DCAKD: variants seen among roughly 807,000 people sequenced by gnomAD.
The protein encoded by DCAKD is dephospho-CoA kinase domain-containing protein.
A neutral mutation model predicts 18.7 loss-of-function variants in DCAKD; 15 were observed. That is an observed-to-expected ratio of 0.80 (90% CI 0.54 to 1.24). DCAKD has a LOEUF of 1.24. Among genes scored for constraint, DCAKD ranks in the 50% most tolerant of loss-of-function variants. DCAKD has a pLI of 0.00. For missense variants in DCAKD, 301 were observed against 322.0 expected (o/e 0.93, Z 0.50); for synonymous variants, 130 against 133.0 (o/e 0.98, Z 0.16).
chr17:45,046,213 T>TA (rs1324625749), intron 1 of DCAKD, among the ~76,000 whole-genome samples: 2 of 152,142 alleles, frequency 1.3e-5, no homozygotes, highest in Admixed American at 1.3e-4. Context: ...TATATTGGGC[T>TA]AAAAGATGAG....
intron 1 of DCAKD, among the ~76,000 whole-genome samples, chr17:45,050,402 C>T (rs1288050966): frequency 1.3e-5 from 2 of 152,196 alleles, no homozygotes; most frequent in East Asian, 3.9e-4. Flanking sequence ...CAGCTATCAG[C>T]CCTCTTCTTC....
chr17:45,037,234 G>A (rs2053320921), intron 1 of DCAKD, among the ~76,000 whole-genome samples: 1 of 152,072 alleles, frequency 6.6e-6, no homozygotes, highest in Non-Finnish European at 1.5e-5. Flanking sequence ...GGGAGGTTGA[G>A]GCAGGAGGAT....
intron 1 of DCAKD, among the ~76,000 whole-genome samples, chr17:45,035,435 C>A (rs985931007): frequency 2.2e-5 from 3 of 137,270 alleles, no homozygotes; most frequent in Non-Finnish European, 4.7e-5. Flanking sequence ...AAGCTGAGAT[C>A]CCACCACTGC....
intron 1 of DCAKD, among the ~76,000 whole-genome samples, chr17:45,035,840 G>T (rs1250554111): frequency 6.6e-6 from 1 of 152,210 alleles, no homozygotes. Flanking sequence ...AGGTCCCATG[G>T]ATCACTTCCC....
intron 1 of DCAKD, among the ~76,000 whole-genome samples, chr17:45,038,904 C>T (rs1325515170): frequency 6.6e-6 from 1 of 152,236 alleles, no homozygotes; most frequent in Admixed American, 6.5e-5. Context: ...CACTGACCAT[C>T]CACTGAGCAT....
At chr17:45,026,820 G>A (rs2053065673) in intron 4 of DCAKD, 1 of 985,326 alleles carries the variant, frequency 1.0e-6, no homozygotes, top group Non-Finnish European at 1.2e-6. Context: ...CCACATATCT[G>A]TGGGTGGGAG....
intron 1 of DCAKD, among the ~76,000 whole-genome samples, chr17:45,038,970 C>T (rs1029592566): frequency 7.9e-5 from 12 of 152,226 alleles, no homozygotes; most frequent in Admixed American, 2.6e-4. Context: ...GAGGAAAACA[C>T]AAGTCTTGCC....
chr17:45,035,467 A>G (rs7219243), intron 1 of DCAKD, among the ~76,000 whole-genome samples: 31,586 of 142,554 alleles, frequency 0.22, 4,036 homozygotes, highest in African/African-American at 0.33. Flanking sequence ...GGGTGACAGA[A>G]CCAGATTCCT....
chr17:45,036,242 C>T (rs1202533812), intron 1 of DCAKD, among the ~76,000 whole-genome samples: 6 of 152,188 alleles, frequency 3.9e-5, no homozygotes, highest in East Asian at 1.9e-4. Context: ...CTTGGCTGGG[C>T]GTAGTGGCTC....
chr17:45,047,302 G>A (rs1338038068), intron 1 of DCAKD, among the ~76,000 whole-genome samples: 1 of 151,788 alleles, frequency 6.6e-6, no homozygotes, highest in Non-Finnish European at 1.5e-5. Context: ...TTTTTTTCGA[G>A]GCAGAGTCTT....
upstream of DCAKD, chr17:45,061,108 A>G (rs570880582): frequency 2.6e-4 from 341 of 1,330,016 alleles, 3 homozygotes; most frequent in East Asian, 0.01. Flanking sequence ...GCGTGGCCGA[A>G]TGCCTAGGCT....
At chr17:45,030,031 G>A (rs1271737207) in intron 4 of DCAKD, 61 bp downstream of exon 4, 3 of 1,461,046 alleles carry the variant, frequency 2.1e-6, no homozygotes, top group Admixed American at 1.7e-5. Context: ...AAAATGATGT[G>A]GGCTGTTTCC....
chr17:45,045,320 G>A (rs1416528033), intron 1 of DCAKD, among the ~76,000 whole-genome samples: 2 of 152,160 alleles, frequency 1.3e-5, no homozygotes, highest in Non-Finnish European at 2.9e-5. Context: ...TGACCAACGT[G>A]TCACCACCCA....
intron 3 of DCAKD, 34 bp from the exon 4 acceptor site, chr17:45,030,213 T>C: frequency 6.3e-7 from 1 of 1,592,922 alleles, no homozygotes; most frequent in Non-Finnish European, 8.6e-7. Context: ...CAAGTTCAAT[T>C]CTGCAAGCGC....
chr17:45,059,506 C>T (rs1176742413), intron 1 of DCAKD, among the ~76,000 whole-genome samples: 3 of 152,088 alleles, frequency 2.0e-5, no homozygotes, highest in East Asian at 1.9e-4. Flanking sequence ...GGCACTTAGG[C>T]GAGATTACTC....
At chr17:45,026,547 GA>G (rs1382791929) in intron 4 of DCAKD, 7 of 925,218 alleles carry the variant, frequency 7.6e-6, no homozygotes, top group East Asian at 2.4e-4. Context: ...AATAAATATA[GA>G]GACGAGGTCT....
chr17:45,024,735 G>C lies in DCAKD; in HGVS notation c.405-11C>G. 2 of 1,552,458 alleles carry C rather than the reference G, an allele frequency of 1.3e-6. No homozygotes were observed. The highest frequency in any genetic ancestry group is 1.7e-6 in the Non-Finnish European group (2 of 1,146,172). On this transcript the variant is annotated splice_polypyrimidine_tract_variant and intron_variant, in intron 4 of 4. Transcript: ENST00000651974. ...TGTGTGTCCCGGTCGCTAAGGATAG[G>C]GCAAAAGGGCACTGTAGGTCCTGCC...
chr17:45,028,201 C>G (rs1433105859), intron 4 of DCAKD, among the ~76,000 whole-genome samples: 1 of 150,212 alleles, frequency 6.7e-6, no homozygotes, highest in Non-Finnish European at 1.5e-5. Flanking sequence ...CTCCGCCTCC[C>G]AGGTTCACAC....
intron 4 of DCAKD, among the ~76,000 whole-genome samples, chr17:45,029,564 G>C (rs145177421): frequency 6.6e-6 from 1 of 152,290 alleles, no homozygotes; most frequent in African/African-American, 2.4e-5. Context: ...TCCGTGTCCT[G>C]GGGAATTCTG....
Sources: gnomAD v4.1 joint callset for allele counts (sites outside exome capture counted in the v4.1 genomes callset) on GRCh38, gnomAD v4.1.1 for gene constraint, MANE v1.5 for transcripts, NCBI Gene and HGNC (gene_info 2026-07-23, HGNC 2026-07-21) for gene names.